The following AUTS2 variants were observed in gnomAD, a reference collection of about 807,000 sequenced individuals.
AUTS2 encodes the protein autism susceptibility gene 2 protein.
Under a neutral mutation model 112.4 loss-of-function variants are expected in AUTS2, and 17 were observed. That is an observed-to-expected ratio of 0.15 (90% CI 0.10 to 0.23). AUTS2 has a LOEUF of 0.23. Among genes scored for constraint, AUTS2 ranks in the 10% least tolerant of loss-of-function variants. The probability of loss-of-function intolerance (pLI) is 1.00; values close to 1 mark genes in which losing one functional copy is unlikely to be tolerated. For missense variants in AUTS2, 1,510 were observed against 1,701.6 expected (o/e 0.89, Z 1.98); for synonymous variants, 751 against 702.7 (o/e 1.07, Z -1.09).
At chr7:70,404,212 T>C (rs1794438960) in intron 4 of AUTS2, among the ~76,000 whole-genome samples, 1 of 152,158 alleles carries the variant, frequency 6.6e-6, no homozygotes, top group Admixed American at 6.5e-5. Context: ...TATCTAAGCA[T>C]GAGTTAAGAG....
At chr7:70,447,272 A>G (rs1463414171) in intron 5 of AUTS2, among the ~76,000 whole-genome samples, 1 of 152,232 alleles carries the variant, frequency 6.6e-6, no homozygotes, top group Admixed American at 6.5e-5. Flanking sequence ...AATGGAGTGT[A>G]GGCGTGATTA....
chr7:70,379,152 A>G (rs373265781), intron 4 of AUTS2, among the ~76,000 whole-genome samples: 47 of 152,168 alleles, frequency 3.1e-4, no homozygotes, highest in African/African-American at 1.1e-3. Context: ...TTGAAATCCT[A>G]CAACTCGTAG....
chr7:70,754,214 G>A (rs1789044506), intron 6 of AUTS2, among the ~76,000 whole-genome samples: 1 of 151,930 alleles, frequency 6.6e-6, no homozygotes, highest in South Asian at 2.1e-4. Flanking sequence ...ACATTGATTG[G>A]GCAGGGTGGC....
chr7:69,720,559 T>C (rs1798876324), intron 1 of AUTS2, among the ~76,000 whole-genome samples: 1 of 152,236 alleles, frequency 6.6e-6, no homozygotes, highest in South Asian at 2.1e-4. Context: ...ACCACAGTCA[T>C]GCCCAATTTA....
In AUTS2 at chr7:70,099,875, A is replaced by G. The variant is rs1487263204; in HGVS notation, c.523-18257A>G. ...TTGGTACAAGTGTTTGTTCTTCTAC[A>G]GTATTTACTCTTCAGTTTTTACATA... On this transcript the variant is annotated intron_variant, in intron 2 of 18. Coordinates refer to ENST00000342771, the MANE Select transcript of AUTS2 (RefSeq NM_015570.4). Among the ~76,000 whole-genome samples, 4 of 152,210 alleles carry G rather than the reference A, an allele frequency of 2.6e-5. No individual in the cohort carries two copies. The South Asian group carries it at 8.3e-4, about 32-fold the overall frequency.
intron 4 of AUTS2, among the ~76,000 whole-genome samples, chr7:70,298,165 G>T (rs1045529335): frequency 2.0e-5 from 3 of 151,910 alleles, no homozygotes; most frequent in Non-Finnish European, 4.4e-5. Flanking sequence ...CCGAGTAGCT[G>T]GGATTACAGG....
chr7:70,450,599 G>A (rs1365772810), intron 5 of AUTS2, among the ~76,000 whole-genome samples: 1 of 152,214 alleles, frequency 6.6e-6, no homozygotes, highest in Non-Finnish European at 1.5e-5. Context: ...ATAAAAACAG[G>A]CCTTGCACGG....
At chr7:69,681,354 C>T (rs1021663326) in intron 1 of AUTS2, among the ~76,000 whole-genome samples, 1 of 152,132 alleles carries the variant, frequency 6.6e-6, no homozygotes, top group African/African-American at 2.4e-5. Context: ...AGGAGTCATA[C>T]CATTTTGCAG....
chr7:70,525,972 C>T (rs892616938), intron 5 of AUTS2, among the ~76,000 whole-genome samples: 9 of 152,194 alleles, frequency 5.9e-5, no homozygotes, highest in Admixed American at 2.6e-4. Flanking sequence ...AGTGTCCTCA[C>T]GTACGAGAGT....
intron 2 of AUTS2, among the ~76,000 whole-genome samples, chr7:70,006,027 T>C (rs962714075): frequency 2.6e-5 from 4 of 152,160 alleles, no homozygotes; most frequent in African/African-American, 4.8e-5. Flanking sequence ...AATGCACGCA[T>C]GTGTTAGTGT....
intron 5 of AUTS2, among the ~76,000 whole-genome samples, chr7:70,593,550 G>A (rs1413461407): frequency 6.6e-6 from 1 of 152,070 alleles, no homozygotes; most frequent in African/African-American, 2.4e-5. Flanking sequence ...CAAGGGACAA[G>A]GCCAGATTCT....
intron 5 of AUTS2, among the ~76,000 whole-genome samples, chr7:70,595,025 TG>T (rs1803126561): frequency 6.6e-6 from 1 of 151,644 alleles, no homozygotes; most frequent in Non-Finnish European, 1.5e-5. Context: ...TGCTTGAACC[TG>T]GGAGGCGGAG....
At chr7:69,899,643 T>C in intron 2 of AUTS2, 145 bp downstream of exon 2, 1 of 733,856 alleles carries the variant, frequency 1.4e-6, no homozygotes, top group Non-Finnish European at 2.2e-6. Context: ...TGTGCGTGCC[T>C]TTAAAAGAAT....
At chr7:70,482,502 G>A (rs1032227714) in intron 5 of AUTS2, among the ~76,000 whole-genome samples, 4 of 152,104 alleles carry the variant, frequency 2.6e-5, no homozygotes, top group Non-Finnish European at 4.4e-5. Context: ...GTATTTTAAC[G>A]GGTCACCTTC....
chr7:69,779,350 C>G (rs1244813024), intron 1 of AUTS2, among the ~76,000 whole-genome samples: 1 of 152,170 alleles, frequency 6.6e-6, no homozygotes, highest in Non-Finnish European at 1.5e-5. Context: ...ACTGCCCAGG[C>G]ATTAGAAAGG....
chr7:69,610,246 G>T (rs935241099), intron 1 of AUTS2, among the ~76,000 whole-genome samples: 4 of 152,212 alleles, frequency 2.6e-5, no homozygotes, highest in Non-Finnish European at 5.9e-5. Flanking sequence ...GTAATCTTTA[G>T]ATCTGTGCTT....
intron 5 of AUTS2, among the ~76,000 whole-genome samples, chr7:70,590,270 G>A (rs1802883071): frequency 6.6e-6 from 1 of 152,152 alleles, no homozygotes; most frequent in Non-Finnish European, 1.5e-5. Context: ...CAACCTGCGA[G>A]GAGAGAATGT....
intron 1 of AUTS2, among the ~76,000 whole-genome samples, chr7:69,751,623 G>T (rs1179974604): frequency 1.3e-5 from 2 of 152,098 alleles, no homozygotes; most frequent in Non-Finnish European, 2.9e-5. Flanking sequence ...TTAGCCTGTG[G>T]GATTGTTTCT....
At chr7:70,593,918 CCAGCAGCGCAAG>C (rs1803070296) in intron 5 of AUTS2, among the ~76,000 whole-genome samples, 1 of 152,164 alleles carries the variant, frequency 6.6e-6, no homozygotes, top group Non-Finnish European at 1.5e-5. Context: ...AGTCCAGGGG[CCAGCAGCGCAAG>C]CACAGCGTCA....
Sources: gnomAD v4.1 joint callset for allele counts (sites outside exome capture counted in the v4.1 genomes callset) on GRCh38, gnomAD v4.1.1 for gene constraint, MANE v1.5 for transcripts, NCBI Gene and HGNC (gene_info 2026-07-23, HGNC 2026-07-21) for gene names.